Variants in PSEN1 observed in about 807,000 individuals in gnomAD.
PSEN1 encodes presenilin-1.
Under a neutral mutation model 53.5 loss-of-function variants are expected in PSEN1, and 15 were observed. That is an observed-to-expected ratio of 0.28 (90% confidence interval 0.19 to 0.43). PSEN1 has a LOEUF of 0.43. Among genes scored for constraint, PSEN1 ranks in the 20% least tolerant of loss-of-function variants. The pLI is 1.00. For synonymous variants in PSEN1, 208 were observed against 209.8 expected (o/e 0.99, Z 0.08); for missense variants, 387 against 571.2 (o/e 0.68, Z 3.29).
intron 3 of PSEN1, among the ~76,000 whole-genome samples, chr14:73,151,372 A>C (rs17124867): frequency 6.6e-6 from 1 of 152,268 alleles, no homozygotes; most frequent in East Asian, 1.9e-4. Flanking sequence ...GTGATTGGAT[A>C]TATGGATCTT....
rs1367543130 is a variant in PSEN1 at position 73,202,465 on chromosome 14, T to TA, written c.869-3921_869-3920insA. Among the ~76,000 whole-genome samples, 53 of 33,196 alleles carry TA rather than the reference T, an allele frequency of 1.6e-3. 1 individual carries two copies. The highest frequency in any genetic ancestry group is 4.5e-3 in the African/African-American group (38 of 8,468). The allele number at this position is 33,196 out of a possible 152,430, so 21.8% of individuals were successfully genotyped here. A position where few individuals can be genotyped will look rare whatever the true frequency, so the allele number is the denominator to read the frequency against. The stretch of plus-strand genomic sequence containing the variant: ...ATATATATATATATATATATATATT[T>TA]TTTTTTTTTTTTTTTTTTTTTTTTT... On this transcript the variant is annotated intron_variant, in intron 8 of 11. Transcript: ENST00000324501.
chr14:73,187,426 A>G (rs1898558013), intron 6 of PSEN1, among the ~76,000 whole-genome samples: 1 of 152,368 alleles, frequency 6.6e-6, no homozygotes. Flanking sequence ...GGCAGAATAC[A>G]GTTTGTAAAC....
chr14:73,195,989 A>C (rs1178991858), intron 7 of PSEN1, among the ~76,000 whole-genome samples: 1 of 152,180 alleles, frequency 6.6e-6, no homozygotes, highest in African/African-American at 2.4e-5. Context: ...TATTTTTACC[A>C]TCAACCCTCC....
chr14:73,201,366 G>T (rs1183914665), intron 8 of PSEN1, among the ~76,000 whole-genome samples: 3 of 152,164 alleles, frequency 2.0e-5, no homozygotes, highest in Admixed American at 1.3e-4. Context: ...GATTACAGGC[G>T]TGAGCCACCG....
At chr14:73,202,417 A>AAT (rs1566648023) in intron 8 of PSEN1, among the ~76,000 whole-genome samples, 1 of 60,516 alleles carries the variant, frequency 1.7e-5, no homozygotes, top group Non-Finnish European at 2.9e-5. Flanking sequence ...TCTATCACAT[A>AAT]CTATATATAT....
intron 3 of PSEN1, among the ~76,000 whole-genome samples, chr14:73,161,329 G>C (rs969965915): frequency 2.0e-5 from 3 of 152,162 alleles, no homozygotes; most frequent in African/African-American, 4.8e-5. Context: ...TCTGATGACT[G>C]CTTCCTGTGG....
intron 1 of PSEN1, among the ~76,000 whole-genome samples, chr14:73,143,183 G>T (rs1220064707): frequency 1.3e-5 from 2 of 152,188 alleles, no homozygotes; most frequent in Non-Finnish European, 2.9e-5. Flanking sequence ...AGCTTTGCCT[G>T]CCCCTTTCTT....
intron 10 of PSEN1, among the ~76,000 whole-genome samples, chr14:73,212,362 G>A (rs1214249886): frequency 6.6e-6 from 1 of 151,978 alleles, no homozygotes; most frequent in African/African-American, 2.4e-5. Context: ...GCCTGCCTTA[G>A]CCTCCCAAAG....
chr14:73,181,489 T>C (rs756664503), intron 5 of PSEN1, among the ~76,000 whole-genome samples: 2 of 152,184 alleles, frequency 1.3e-5, no homozygotes, highest in Non-Finnish European at 2.9e-5. Flanking sequence ...CCAGGTGCAG[T>C]GGCACGGACC....
chr14:73,161,857 G>A (rs1425737445), intron 3 of PSEN1, among the ~76,000 whole-genome samples: 2 of 151,944 alleles, frequency 1.3e-5, no homozygotes, highest in African/African-American at 2.4e-5. Context: ...TGTAAACAGC[G>A]CAGTGGCTGT....
chr14:73,140,171 A>G (rs1246302109), intron 1 of PSEN1, among the ~76,000 whole-genome samples: 1 of 151,402 alleles, frequency 6.6e-6, no homozygotes. Context: ...CTGAAATCCG[A>G]AAACTAAAAG....
chr14:73,203,736 CA>C (rs771788247), intron 8 of PSEN1, among the ~76,000 whole-genome samples: 2 of 152,134 alleles, frequency 1.3e-5, no homozygotes, highest in Non-Finnish European at 2.9e-5. Context: ...ACCTAGTGGT[CA>C]TTAGTAGAAG....
intron 8 of PSEN1, among the ~76,000 whole-genome samples, chr14:73,199,285 C>G (rs1899081352): frequency 6.6e-6 from 1 of 151,868 alleles, no homozygotes; most frequent in African/African-American, 2.4e-5. Context: ...AGCTGGTGAG[C>G]AATTCAAATA....
At position 73,211,893 on chromosome 14, in the gene PSEN1, T is replaced by C. The variant is rs368830324; in HGVS notation, c.1080T>C (p.Ala360=). The C allele has an allele frequency of 5.0e-6, 8 of 1,613,850 alleles. No homozygotes were observed. The highest frequency in any genetic ancestry group is 6.8e-6 in the Non-Finnish European group (8 of 1,179,994). The change falls in exon 10 of 12, where the codon GCT becomes GCC. Residue 360 remains alanine (A), a synonymous_variant. Transcript: ENST00000324501. Reference sequence around the variant, plus strand: ...GCTCTACACCTGAGTCACGAGCTGCTGTCCAGGAACTTTCCAGCAGTATCC... The same window carrying C: ...GCTCTACACCTGAGTCACGAGCTGCCGTCCAGGAACTTTCCAGCAGTATCC... ...PHRSTPESRA[A]VQELSSSILA...
chr14:73,175,318 G>T (rs1898016322), intron 5 of PSEN1, among the ~76,000 whole-genome samples: 1 of 151,882 alleles, frequency 6.6e-6, no homozygotes, highest in African/African-American at 2.4e-5. Context: ...GTAGAGACTG[G>T]GTTTTACCGT....
At chr14:73,196,049 G>C (rs362342) in intron 7 of PSEN1, among the ~76,000 whole-genome samples, 15,098 of 152,140 alleles carry the variant, frequency 0.099, 829 homozygotes, top group African/African-American at 0.14. Flanking sequence ...GCTTTGAGTT[G>C]CTTTTAAACA....
intron 3 of PSEN1, among the ~76,000 whole-genome samples, chr14:73,158,095 C>T (rs1897416073): frequency 6.6e-6 from 1 of 152,068 alleles, no homozygotes; most frequent in African/African-American, 2.4e-5. Flanking sequence ...TTGTATACCA[C>T]AGTTTTTGAT....
chr14:73,170,967 T>G lies in PSEN1; in HGVS notation c.258T>G (p.Phe86Leu). 2.5e-6 allele frequency: 4 copies of G among 1,614,250 alleles called. No homozygotes were observed. The highest frequency in any genetic ancestry group is 3.4e-6 in the Non-Finnish European group (4 of 1,180,054). The change falls in exon 4 of 12, where the codon TTT (phenylalanine) becomes TTG (leucine). Residue 86 changes from phenylalanine to leucine, a missense_variant. By Grantham distance (22) the Phe-to-Leu change is conservative. This residue lies in a region of PSEN1 where 169 missense variants were observed against 299.7 expected (regional missense o/e 0.56). Coordinates refer to ENST00000324501, the MANE Select transcript of PSEN1 (RefSeq NM_000021.4). ...KYGAKHVIML[F>L]VPVTLCMVVV... The stretch of plus-strand genomic sequence containing the variant: ...GCGCCAAGCATGTGATCATGCTCTT[T>G]GTCCCTGTGACTCTCTGCATGGTGG...
chr14:73,184,934 C>A (rs1373263309), intron 5 of PSEN1, among the ~76,000 whole-genome samples: 1 of 147,920 alleles, frequency 6.8e-6, no homozygotes, highest in Non-Finnish European at 1.5e-5. Context: ...GACGGGGTCG[C>A]GGCCGGGCAG....
Sources: gnomAD v4.1 joint callset for allele counts (sites outside exome capture counted in the v4.1 genomes callset) on GRCh38, gnomAD v4.1.1 for gene constraint, gnomAD v4.1.1 regional missense constraint, MANE v1.5 for transcripts, NCBI Gene and HGNC (gene_info 2026-07-23, HGNC 2026-07-21) for gene names.